The following SRSF4 variants were observed in gnomAD, a reference collection of about 807,000 sequenced individuals.
SRSF4 encodes serine and arginine rich splicing factor 4.
In SRSF4, 12 loss-of-function variants were observed where a neutral mutation model predicts 48.8. The observed-to-expected ratio is 0.25, with a 90% confidence interval of 0.16 to 0.40. The LOEUF is 0.40. Among genes scored for constraint, SRSF4 ranks in the 10% least tolerant of loss-of-function variants. The pLI, the probability that SRSF4 is intolerant of heterozygous loss-of-function variation, is 1.00. For missense variants in SRSF4, 466 were observed against 667.1 expected, an observed-to-expected ratio of 0.70 and a Z score of 3.32; for synonymous variants, 248 against 232.5, an observed-to-expected ratio of 1.07 and a Z score of -0.61.
At chr1:29,177,780 T>C (rs924911797) in intron 1 of SRSF4, among the ~76,000 whole-genome samples, 1 of 152,116 alleles carries the variant, frequency 6.6e-6, no homozygotes, top group Non-Finnish European at 1.5e-5. Context: ...AACTCTTGCT[T>C]ACACACCTCT....
intron 1 of SRSF4, among the ~76,000 whole-genome samples, chr1:29,175,694 CA>C (rs60942124): frequency 2.5e-3 from 95 of 38,560 alleles, no homozygotes; most frequent in South Asian, 8.7e-3. Context: ...GACGCTGTCT[CA>C]AAAAAAAAAA....
At chr1:29,154,214 C>T (rs1326582632) in intron 4 of SRSF4, among the ~76,000 whole-genome samples, 2 of 152,198 alleles carry the variant, frequency 1.3e-5, no homozygotes, top group African/African-American at 2.4e-5. Flanking sequence ...TTATAGGCAC[C>T]CACCACGCCC....
chr1:29,179,315 A>T (rs1365076002), intron 1 of SRSF4, among the ~76,000 whole-genome samples: 1 of 152,178 alleles, frequency 6.6e-6, no homozygotes, highest in African/African-American at 2.4e-5. Flanking sequence ...TTATGACATT[A>T]AAAAAATATT....
chr1:29,167,433 G>A (rs1672683574), intron 1 of SRSF4, among the ~76,000 whole-genome samples: 3 of 152,224 alleles, frequency 2.0e-5, no homozygotes, highest in Admixed American at 1.3e-4. Flanking sequence ...TGCCCAGGCT[G>A]GAGTGCAAAG....
chr1:29,181,554 G>T, intron 1 of SRSF4, 92 bp downstream of exon 1: 1 of 1,143,088 alleles, frequency 8.7e-7, no homozygotes, highest in Non-Finnish European at 1.2e-6. Flanking sequence ...GCCGCTCCGC[G>T]CGGACCAGGC....
intron 1 of SRSF4, among the ~76,000 whole-genome samples, chr1:29,175,445 C>T (rs1672825466): frequency 6.6e-6 from 1 of 151,244 alleles, no homozygotes; most frequent in African/African-American, 2.4e-5. Flanking sequence ...CCTGTAATCC[C>T]AGCACTTTGG....
chr1:29,174,936 T>C (rs1427245841), intron 1 of SRSF4, among the ~76,000 whole-genome samples: 1 of 149,730 alleles, frequency 6.7e-6, no homozygotes, highest in Non-Finnish European at 1.5e-5. Context: ...CCTCCCAAAG[T>C]GTTGGGATTA....
At chr1:29,177,763 G>A (rs1260567671) in intron 1 of SRSF4, among the ~76,000 whole-genome samples, 1 of 152,082 alleles carries the variant, frequency 6.6e-6, no homozygotes, top group African/African-American at 2.4e-5. Context: ...TAAAACGGTA[G>A]GCAATGAACT....
intron 1 of SRSF4, 188 bp from the exon 2 acceptor site, chr1:29,160,705 G>C (rs1672582149): frequency 1.9e-6 from 1 of 536,778 alleles, no homozygotes; most frequent in Non-Finnish European, 3.1e-6. Flanking sequence ...AAGAGGTAGG[G>C]AGACTTCTCA....
At chr1:29,158,428 T>A (rs1453892646) in intron 3 of SRSF4, among the ~76,000 whole-genome samples, 1 of 140,236 alleles carries the variant, frequency 7.1e-6, no homozygotes, top group East Asian at 2.0e-4. Context: ...CATCTTCTTG[T>A]AACCCTTTTT....
Position 29,180,842 on chromosome 1 carries a change from T to C in SRSF4, c.107+804A>G, listed in dbSNP as rs1399973058. 5.3e-5 allele frequency among the ~76,000 whole-genome samples: 8 copies of C among 152,334 alleles called. 1 individual carries two copies. In the South Asian group the frequency reaches 1.4e-3, roughly 28 times the overall value. ...TAAGAATACAAGTAATAGATCATAC[T>C]CTGGGGGAGGCAGTAAGTTAACAAT... On this transcript the variant is annotated intron_variant, in intron 1 of 5. Coordinates refer to ENST00000373795, the MANE Select transcript of SRSF4 (RefSeq NM_005626.5).
chr1:29,168,097 C>A (rs1378740606), intron 1 of SRSF4, among the ~76,000 whole-genome samples: 1 of 151,658 alleles, frequency 6.6e-6, no homozygotes, highest in African/African-American at 2.4e-5. Context: ...CTCACTGCAA[C>A]CTCTGACCCT....
At chr1:29,165,563 A>G (rs1672658782) in intron 1 of SRSF4, among the ~76,000 whole-genome samples, 1 of 152,240 alleles carries the variant, frequency 6.6e-6, no homozygotes, top group African/African-American at 2.4e-5. Flanking sequence ...TCTACTGAAT[A>G]GGATTTACCT....
At chr1:29,174,977 GTTT>G (rs758512447) in intron 1 of SRSF4, among the ~76,000 whole-genome samples, 1 of 143,570 alleles carries the variant, frequency 7.0e-6, no homozygotes, top group Non-Finnish European at 1.5e-5. Flanking sequence ...TGGCCGGTGG[GTTT>G]TTTAATTAAA....
At chr1:29,166,887 TCA>T (rs1435860816) in intron 1 of SRSF4, 5 of 152,272 alleles carry the variant, frequency 3.3e-5, no homozygotes, top group African/African-American at 1.2e-4. Context: ...TGGCCACAGC[TCA>T]GTCTGCACTT....
intron 2 of SRSF4, 129 bp from the exon 3 acceptor site, chr1:29,159,615 C>T: frequency 2.0e-6 from 1 of 509,060 alleles, no homozygotes; most frequent in Non-Finnish European, 3.4e-6. Context: ...AACTCTATTC[C>T]CACCCTTAAT....
intron 1 of SRSF4, among the ~76,000 whole-genome samples, chr1:29,162,503 T>C (rs1180223075): frequency 6.6e-6 from 1 of 152,224 alleles, no homozygotes; most frequent in Non-Finnish European, 1.5e-5. Flanking sequence ...TATCTCTAGA[T>C]GGATTCAAAA....
chr1:29,167,887 T>C (rs1672689960), intron 1 of SRSF4, among the ~76,000 whole-genome samples: 1 of 152,154 alleles, frequency 6.6e-6, no homozygotes, highest in Non-Finnish European at 1.5e-5. Flanking sequence ...CATTTTACAA[T>C]GAGAAACTGA....
rs71586892 is a variant in SRSF4 at position 29,173,130 on chromosome 1, C to CTTTT, written c.107+8512_107+8515dup. ...TTTATTCTCTAATGAGTCAAAAAGGCTTTTTTTTTTTTTTTTTTTTTTTTT... is the reference window on the plus strand; with the variant it reads ...TTTATTCTCTAATGAGTCAAAAAGGCTTTTTTTTTTTTTTTTTTTTTTTTTTTTT... On this transcript the variant is annotated intron_variant, in intron 1 of 5. Coordinates refer to ENST00000373795, the MANE Select transcript of SRSF4 (RefSeq NM_005626.5). The CTTTT allele has an allele frequency of 1.9e-3, 150 of 78,560 alleles. 1 individual carries two copies. The highest frequency in any genetic ancestry group is 3.5e-3 in the African/African-American group (69 of 19,486). 4.9% of individuals were successfully genotyped at this position (78,560 alleles called of 1,614,324 possible). A position where few individuals can be genotyped will look rare whatever the true frequency, so the allele number is the denominator to read the frequency against.
Sources: allele counts gnomAD v4.1 joint callset (sites outside exome capture counted in the v4.1 genomes callset), GRCh38; gene constraint gnomAD v4.1.1; transcripts MANE v1.5; gene names NCBI Gene and HGNC (gene_info 2026-07-23, HGNC 2026-07-21).